ZNF813: variants seen among roughly 807,000 people sequenced by gnomAD.
ZNF813 encodes the protein zinc finger protein 813.
Under a neutral mutation model 7.2 loss-of-function variants are expected in ZNF813, and 3 were observed. The observed-to-expected ratio is 0.42, with a 90% CI of 0.19 to 1.08. ZNF813 has a LOEUF of 1.08. Among genes scored for constraint, ZNF813 ranks in the 50% least tolerant of loss-of-function variants. The pLI is 0.30. For synonymous variants in ZNF813, 227 were observed against 256.3 expected (o/e 0.89, Z 1.09); for missense variants, 714 against 753.3 (o/e 0.95, Z 0.61).
chr19:53,482,394 C>T (rs1296893119), intron 1 of ZNF813, among the ~76,000 whole-genome samples: 1 of 152,218 alleles, frequency 6.6e-6, no homozygotes, highest in African/African-American at 2.4e-5. Context: ...GCTCCACAGC[C>T]CTGTGACCAG....
chr19:53,468,470 A>T (rs1417917037), intron 1 of ZNF813, among the ~76,000 whole-genome samples: 2 of 152,206 alleles, frequency 1.3e-5, no homozygotes, highest in African/African-American at 4.8e-5. Context: ...CAGCATACGG[A>T]GGACCGGCAC....
At chr19:53,488,019 CATTT>C (rs2086442262) in intron 3 of ZNF813, among the ~76,000 whole-genome samples, 1 of 151,974 alleles carries the variant, frequency 6.6e-6, no homozygotes, top group African/African-American at 2.4e-5. Flanking sequence ...TTTGCCTATT[CATTT>C]ATTTATTTAT....
chr19:53,487,552 C>T (rs1016139244), intron 3 of ZNF813, among the ~76,000 whole-genome samples: 4 of 152,092 alleles, frequency 2.6e-5, no homozygotes, highest in East Asian at 1.9e-4. Context: ...AATCCCAGCA[C>T]GTAGAGAGGC....
At chr19:53,489,983 CAT>C (rs2147163029) in intron 3 of ZNF813, among the ~76,000 whole-genome samples, 1 of 152,312 alleles carries the variant, frequency 6.6e-6, no homozygotes, top group South Asian at 2.1e-4. Context: ...TATGGTATAT[CAT>C]GTGGTCCTTT....
chr19:53,483,962 C>G lies in ZNF813; in HGVS notation c.15+125C>G, dbSNP rs1411159220. ...ACAGGTTTGCTCACATTCACCCATG[C>G]CTTCCCTCAGTCCCTCTTTTCTCAC... On this transcript the variant is annotated intron_variant, in intron 2 of 3. Transcript: ENST00000396403. The G allele has an allele frequency of 5.7e-6, 9 of 1,572,158 alleles. No individual in the cohort carries two copies. In the Admixed American group the frequency reaches 8.4e-5, roughly 15 times the overall value.
chr19:53,468,664 A>T (rs1010032960), intron 1 of ZNF813, among the ~76,000 whole-genome samples: 2 of 152,170 alleles, frequency 1.3e-5, no homozygotes, highest in African/African-American at 4.8e-5. Context: ...GGCTAGATTT[A>T]TGTTTCTCTT....
intron 1 of ZNF813, among the ~76,000 whole-genome samples, chr19:53,468,593 G>C (rs2086340228): frequency 6.6e-6 from 1 of 152,074 alleles, no homozygotes; most frequent in Non-Finnish European, 1.5e-5. Context: ...AAACATGTGA[G>C]CAAAGGAATC....
intron 2 of ZNF813, among the ~76,000 whole-genome samples, chr19:53,485,595 T>C (rs906537190): frequency 2.7e-5 from 4 of 150,368 alleles, no homozygotes; most frequent in East Asian, 3.9e-4. Context: ...CATATGTATG[T>C]CATGATATAT....
In ZNF813 at chr19:53,479,552, G is replaced by A. The variant is rs1350033773; in HGVS notation, c.-73-4198G>A. 38 of 1,159,392 alleles carry A rather than the reference G, an allele frequency of 3.3e-5. No homozygotes were observed. In the Middle Eastern group the frequency reaches 8.3e-4, roughly 25 times the overall value. 71.8% of individuals were successfully genotyped at this position (1,159,392 alleles called of 1,614,324 possible). A position where few individuals can be genotyped will look rare whatever the true frequency, so the allele number is the denominator to read the frequency against. ...GAGGAGCTGGACTGTGCTCAGGAGC[G>A]CCTGGCCACTGCCCTGCAAAAGCTG... On this transcript the variant is annotated intron_variant, in intron 1 of 3. Transcript: ENST00000396403.
chr19:53,472,627 T>TTTTTTTTTTTTTA (rs1242811278), intron 1 of ZNF813, among the ~76,000 whole-genome samples: 1 of 150,112 alleles, frequency 6.7e-6, no homozygotes, highest in African/African-American at 2.5e-5. Flanking sequence ...TTTTTTTTTT[T>TTTTTTTTTTTTTA]TTGAGATGGA....
intron 1 of ZNF813, among the ~76,000 whole-genome samples, chr19:53,481,074 G>A (rs2086405991): frequency 6.6e-6 from 1 of 152,114 alleles, no homozygotes; most frequent in African/African-American, 2.4e-5. Context: ...AGATGTGTCA[G>A]TTTAGCATTT....
Position 53,485,570 on chromosome 19 carries a change from A to G in ZNF813, c.16-1062A>G, listed in dbSNP as rs184972690. ...CATATATGTATGTCATGACATATAT[A>G]CATGTATGTCATGACATATGTATGT... On this transcript the variant is annotated intron_variant, in intron 2 of 3. Coordinates refer to ENST00000396403, the MANE Select transcript of ZNF813 (RefSeq NM_001004301.4). 4.7e-5 allele frequency among the ~76,000 whole-genome samples: 6 copies of G among 128,748 alleles called. No homozygotes were observed. The Admixed American group carries it at 4.8e-4, about 10-fold the overall frequency. The allele number at this position is 128,748 out of a possible 152,430, so 84.5% of individuals were successfully genotyped here. A position where few individuals can be genotyped will look rare whatever the true frequency, so the allele number is the denominator to read the frequency against.
chr19:53,479,647 G>A, intron 1 of ZNF813: 1 of 1,223,518 alleles, frequency 8.2e-7, no homozygotes. Context: ...GGCCTTAAAA[G>A]ATGAAGAAGA....
chr19:53,486,474 A>G (rs2617676), intron 2 of ZNF813, among the ~76,000 whole-genome samples, 158 bp from the exon 3 acceptor site: 118,432 of 150,776 alleles, frequency 0.79, 47,100 homozygotes, highest in African/African-American at 0.92. Context: ...AATAAAACAC[A>G]GCTGGGAAGA....
intron 1 of ZNF813, among the ~76,000 whole-genome samples, chr19:53,473,480 G>A (rs2086368898): frequency 6.6e-6 from 1 of 152,234 alleles, no homozygotes; most frequent in Non-Finnish European, 1.5e-5. Context: ...GATGGTCTGG[G>A]TCTTGCTGGC....
rs2086398477 is a variant in ZNF813 at position 53,479,751 on chromosome 19, T to C, written c.-73-3999T>C. ...GAGGTGGCTCGTAAGTTGGTGATCA[T>C]TGAAAGAGACATGGAATGCACAGAA... is the stretch of plus-strand genomic sequence containing the variant. On this transcript the variant is annotated intron_variant, in intron 1 of 3. Coordinates refer to ENST00000396403, the MANE Select transcript of ZNF813 (RefSeq NM_001004301.4). The C allele has an allele frequency of 5.3e-5, 68 of 1,292,348 alleles. No homozygotes were observed. The South Asian group carries it at 7.9e-4, about 15-fold the overall frequency. 80.1% of individuals were successfully genotyped at this position (1,292,348 alleles called of 1,614,324 possible).
chr19:53,473,584 T>G (rs574768023), intron 1 of ZNF813, among the ~76,000 whole-genome samples: 17 of 152,276 alleles, frequency 1.1e-4, no homozygotes, highest in African/African-American at 3.6e-4. Context: ...GTGGACAAGA[T>G]TACAATATAG....
intron 3 of ZNF813, among the ~76,000 whole-genome samples, chr19:53,486,992 T>A (rs199730050): frequency 4.4e-5 from 4 of 90,574 alleles, no homozygotes; most frequent in African/African-American, 7.2e-5. Flanking sequence ...TTTTTTTTTT[T>A]TTTTTTTTTT....
Position 53,486,720 on chromosome 19 carries a change from A to T in ZNF813, c.104A>T (p.Asp35Val). ...CCTGCTCAGAGGACTCTATACAGGG[A>T]CGTGATGCTGGAGAATTATAGGAAC... ...LDPAQRTLYR[D>V]VMLENYRNLV... Residue 35 changes from aspartate to valine, a missense_variant, in exon 3 of 4, where the codon GAC becomes GTC. Coordinates refer to ENST00000396403, the MANE Select transcript of ZNF813 (RefSeq NM_001004301.4). 6.2e-7 allele frequency: 1 copy of T among 1,614,062 alleles called. No homozygotes were observed.
Sources: gnomAD v4.1 joint callset for allele counts (sites outside exome capture counted in the v4.1 genomes callset) on GRCh38, gnomAD v4.1.1 for gene constraint, MANE v1.5 for transcripts, NCBI Gene and HGNC (gene_info 2026-07-23, HGNC 2026-07-21) for gene names.